Variants in ALKBH8 observed in about 807,000 individuals in gnomAD.
The protein encoded by ALKBH8 is alkB homolog 8, tRNA methyltransferase, also known as tRNA (carboxymethyluridine(34)-5-O)-methyltransferase ALKBH8.
ALKBH8 carries 36 observed loss-of-function variants against 59.8 expected under a neutral mutation model. That is an observed-to-expected ratio of 0.60 (90% CI 0.46 to 0.79). The LOEUF (loss-of-function observed/expected upper bound fraction) is 0.79, where lower values mean the gene tolerates loss of function less well. Ranked by LOEUF, ALKBH8 falls within the 30% of genes least tolerant of loss-of-function variation. The pLI is 0.00. For synonymous variants in ALKBH8, 276 were observed against 273.6 expected, an observed-to-expected ratio of 1.01 and a Z score of -0.09; for missense variants, 768 against 801.0, an observed-to-expected ratio of 0.96 and a Z score of 0.50.
At chr11:107,509,675 T>C (rs893939534) in intron 11 of ALKBH8, among the ~76,000 whole-genome samples, 7 of 152,154 alleles carry the variant, frequency 4.6e-5, no homozygotes, top group Non-Finnish European at 1.0e-4. Context: ...TTTCTTTGCA[T>C]ATGGTGTAAT....
In ALKBH8 at chr11:107,522,482, T is replaced by A. The variant is rs574270690; in HGVS notation, c.1104A>T (p.Ser368=). Residue 368 remains serine (S), a synonymous_variant, in exon 10 of 12, where the codon TCA becomes TCT. Transcript: ENST00000428149. ...PSFPESDKEA[S]RLEQEYVHQV... Reference sequence around the variant, plus strand: ...GATGGACGTACTCTTGCTCCAGCCGTGAGGCTTCTTTATCACTCTCTGGAA... The same window carrying A: ...GATGGACGTACTCTTGCTCCAGCCGAGAGGCTTCTTTATCACTCTCTGGAA... 9.5e-5 allele frequency: 148 copies of A among 1,551,436 alleles called. 2 individuals are homozygous for A. The South Asian group carries it at 1.6e-3, about 17-fold the overall frequency.
intron 3 of ALKBH8, among the ~76,000 whole-genome samples, chr11:107,555,974 C>T (rs1477108725): frequency 6.6e-6 from 1 of 152,122 alleles, no homozygotes; most frequent in Non-Finnish European, 1.5e-5. Context: ...TACTGGACAG[C>T]ACCACCATAA....
Position 107,565,669 on chromosome 11 carries a change from G to C in ALKBH8, c.-75C>G. On this transcript the variant is annotated 5_prime_UTR_variant, in exon 1 of 12. Transcript: ENST00000428149. ...CTTCTTTGCCAGCCTCTCCACTCTA[G>C]CACCAGAACACCGCAGCGGATACTT... The C allele has an allele frequency of 6.5e-7, 1 of 1,535,700 alleles. No homozygotes were observed. Among genetic ancestry groups the C allele is most frequent in the South Asian group, 1.2e-5 (1 of 84,060 alleles).
intron 9 of ALKBH8, among the ~76,000 whole-genome samples, chr11:107,522,813 AC>A (rs141952928): frequency 0.043 from 6,599 of 152,222 alleles, 331 homozygotes; most frequent in East Asian, 0.22. Context: ...TTAAAAAAAG[AC>A]AAAAAAATAC....
Position 107,565,649 on chromosome 11 carries a change from T to C in ALKBH8, c.-55A>G. 1 of 1,535,648 alleles carries C rather than the reference T, an allele frequency of 6.5e-7. No individual in the cohort carries two copies. The highest frequency in any genetic ancestry group is 1.2e-5 in the South Asian group (1 of 84,056). ...TCTCACCATGCGTGTGCCTTCTTCT[T>C]TGCCAGCCTCTCCACTCTAGCACCA... On this transcript the variant is annotated 5_prime_UTR_variant, in exon 1 of 12. Transcript: ENST00000428149.
intron 2 of ALKBH8, among the ~76,000 whole-genome samples, chr11:107,560,387 A>T (rs144272346): frequency 4.8e-4 from 73 of 152,288 alleles, no homozygotes; most frequent in Middle Eastern, 3.4e-3. Context: ...TCTATTAGCT[A>T]CTTACTAGCT....
chr11:107,517,934 T>C (rs1862935108), intron 10 of ALKBH8, among the ~76,000 whole-genome samples: 1 of 152,168 alleles, frequency 6.6e-6, no homozygotes, highest in Non-Finnish European at 1.5e-5. Flanking sequence ...AACGGTAACT[T>C]TGTGAGGTAA....
intron 1 of ALKBH8, among the ~76,000 whole-genome samples, chr11:107,561,966 C>T (rs1008726930): frequency 6.6e-6 from 1 of 152,130 alleles, no homozygotes; most frequent in Non-Finnish European, 1.5e-5. Flanking sequence ...TAATTTAATG[C>T]TGATGGTACA....
chr11:107,532,019 TGA>T (rs1255997397), intron 8 of ALKBH8, among the ~76,000 whole-genome samples: 10 of 152,182 alleles, frequency 6.6e-5, no homozygotes, highest in South Asian at 6.2e-4. Flanking sequence ...ATAACATATG[TGA>T]GAGAGAAATA....
intron 7 of ALKBH8, among the ~76,000 whole-genome samples, chr11:107,534,743 T>C (rs1420970366): frequency 7.0e-6 from 1 of 143,850 alleles, no homozygotes; most frequent in Non-Finnish European, 1.5e-5. Flanking sequence ...TGTATCAAAT[T>C]GACCATTCCT....
At chr11:107,509,272 AT>A (rs1350505206) in intron 11 of ALKBH8, among the ~76,000 whole-genome samples, 2 of 152,324 alleles carry the variant, frequency 1.3e-5, no homozygotes, top group Non-Finnish European at 2.9e-5. Context: ...GATGCTGAGT[AT>A]CTTTTCATGT....
intron 8 of ALKBH8, among the ~76,000 whole-genome samples, chr11:107,528,812 A>G (rs1247200496): frequency 1.3e-5 from 2 of 152,212 alleles, no homozygotes; most frequent in African/African-American, 4.8e-5. Flanking sequence ...ACAATATTCA[A>G]TAAGAATATA....
In ALKBH8 at chr11:107,565,681, C is replaced by G. The variant is rs970589382; in HGVS notation, c.-87G>C. 6.5e-7 allele frequency: 1 copy of G among 1,535,516 alleles called. No individual in the cohort carries two copies. The highest frequency in any genetic ancestry group is 8.7e-7 in the Non-Finnish European group (1 of 1,146,708). On this transcript the variant is annotated 5_prime_UTR_variant, in exon 1 of 12. Transcript: ENST00000428149. Reference sequence around the variant, plus strand: ...CCTCTCCACTCTAGCACCAGAACACCGCAGCGGATACTTGCACGCCATCTC... The same window carrying G: ...CCTCTCCACTCTAGCACCAGAACACGGCAGCGGATACTTGCACGCCATCTC...
chr11:107,549,182 T>A (rs1322430216), intron 7 of ALKBH8, among the ~76,000 whole-genome samples: 1 of 152,132 alleles, frequency 6.6e-6, no homozygotes, highest in Non-Finnish European at 1.5e-5. Context: ...AAAATCTGCT[T>A]GTAGGTTGCG....
At chr11:107,557,359 C>T (rs1864760882) in intron 2 of ALKBH8, among the ~76,000 whole-genome samples, 2 of 152,062 alleles carry the variant, frequency 1.3e-5, no homozygotes, top group South Asian at 2.1e-4. Flanking sequence ...ATAACACTTG[C>T]TTTTTGGCAA....
Position 107,560,976 on chromosome 11 carries a change from T to G in ALKBH8, c.-6-77A>C. 5.5e-6 allele frequency: 7 copies of G among 1,273,434 alleles called. No homozygotes were observed. The East Asian group carries it at 1.7e-4, about 30-fold the overall frequency. The allele number at this position is 1,273,434 out of a possible 1,614,324, so 78.9% of individuals were successfully genotyped here. On this transcript the variant is annotated intron_variant, in intron 1 of 11. Transcript: ENST00000428149. Reference sequence around the variant, plus strand: ...CAATTATAATGATGTTATTCATACATTCTATAGTTTATCAATATTTCTGTG... The same window carrying G: ...CAATTATAATGATGTTATTCATACAGTCTATAGTTTATCAATATTTCTGTG...
intron 1 of ALKBH8, chr11:107,562,834 A>T (rs946179307): frequency 6.6e-6 from 1 of 152,104 alleles, no homozygotes. Flanking sequence ...CAACAGAAAG[A>T]AGCGAAATAG....
intron 11 of ALKBH8, among the ~76,000 whole-genome samples, chr11:107,508,547 T>A (rs1370703841): frequency 6.6e-6 from 1 of 152,194 alleles, no homozygotes; most frequent in African/African-American, 2.4e-5. Context: ...AGTGTACAAC[T>A]GAGTGACATT....
chr11:107,517,838 T>C (rs1183279383), intron 10 of ALKBH8, among the ~76,000 whole-genome samples: 1 of 152,224 alleles, frequency 6.6e-6, no homozygotes, highest in African/African-American at 2.4e-5. Flanking sequence ...ACAGATCTAC[T>C]GTACAACATG....
Sources: allele counts gnomAD v4.1 joint callset (sites outside exome capture counted in the v4.1 genomes callset), GRCh38; gene constraint gnomAD v4.1.1; transcripts MANE v1.5; gene names NCBI Gene and HGNC (gene_info 2026-07-23, HGNC 2026-07-21).